Variants in CD180 observed in about 807,000 individuals in gnomAD.
The protein encoded by CD180 is CD180 molecule.
Under a neutral mutation model 10.7 loss-of-function variants are expected in CD180, and 11 were observed. The observed-to-expected ratio is 1.03, with a 90% CI of 0.65 to 1.70. CD180 has a LOEUF of 1.70. Ranked by LOEUF, CD180 falls within the 40% of genes most tolerant of loss-of-function variation. The pLI is 0.00. For synonymous variants in CD180, 286 were observed against 294.6 expected (o/e 0.97, Z 0.30); for missense variants, 729 against 775.2 (o/e 0.94, Z 0.71).
In CD180 at chr5:67,183,838, T is replaced by C. The variant is rs756100821; in HGVS notation, c.1005A>G (p.Gln335=). The C allele has an allele frequency of 1.2e-6, 2 of 1,614,064 alleles. No individual in the cohort carries two copies. The highest frequency in any genetic ancestry group is 1.3e-5 in the African/African-American group (1 of 74,908). Reference sequence around the variant, plus strand: ...AATTGGCAGCACTGATTTGACACAATTGATCGAAATGATTTACACTGAGAA... The same window carrying C: ...AATTGGCAGCACTGATTTGACACAACTGATCGAAATGATTTACACTGAGAA... ...KLVLSVNHFD[Q]LCQISAANFP... is the part of the protein sequence containing the mutation. Residue 335 remains glutamine (Q), a synonymous_variant, in exon 3 of 3, where the codon CAA becomes CAG. Coordinates refer to ENST00000256447, the MANE Select transcript of CD180 (RefSeq NM_005582.3).
At chr5:67,185,796 A>C in intron 2 of CD180, 55 bp downstream of exon 2, 1 of 1,340,876 alleles carries the variant, frequency 7.5e-7, no homozygotes, top group South Asian at 1.7e-5. Context: ...TTAAGCACAT[A>C]CTGTATTTTA....
chr5:67,184,297 A>G lies in CD180; in HGVS notation c.546T>C (p.Asn182=). The G allele has an allele frequency of 1.2e-6, 2 of 1,614,230 alleles. No individual in the cohort carries two copies. The highest frequency in any genetic ancestry group is 4.5e-5 in the East Asian group (2 of 44,882). ...CTCTAGAGATGTAGTGTATAGCATT[A>G]TTCTGAAAATCCAGTACTTTCAGAT... ...ARNLKVLDFQ[N]NAIHYISRED... The change falls in exon 3 of 3, where the codon AAT becomes AAC. Residue 182 remains asparagine, a synonymous_variant. Transcript: ENST00000256447.
chr5:67,185,708 G>A (rs2151166341), intron 2 of CD180, 143 bp downstream of exon 2: 1 of 492,826 alleles, frequency 2.0e-6, no homozygotes, highest in Admixed American at 4.0e-5. Flanking sequence ...ACCCACATAG[G>A]AGTATTTCAT....
chr5:67,194,230 G>C (rs1370119376), intron 1 of CD180, among the ~76,000 whole-genome samples: 1 of 152,180 alleles, frequency 6.6e-6, no homozygotes, highest in Non-Finnish European at 1.5e-5. Context: ...ACTAAAGAAA[G>C]GTCACCCGTT....
chr5:67,196,780 T>TCAA lies in CD180; in HGVS notation c.-140_-139insTTG. On this transcript the variant is annotated 5_prime_UTR_variant, in exon 1 of 3. Coordinates refer to ENST00000256447, the MANE Select transcript of CD180 (RefSeq NM_005582.3). ...TGGAACAAGAAATGCTGTTGACTGC[T>TCAA]CAGCATTCTGTGGCTCTGTGCTGGA... The TCAA allele has an allele frequency of 1.4e-6, 1 of 716,230 alleles. No individual in the cohort carries two copies. Among genetic ancestry groups the TCAA allele is most frequent in the Non-Finnish European group, 2.2e-6 (1 of 464,574 alleles). 44.4% of individuals were successfully genotyped at this position (716,230 alleles called of 1,614,324 possible).
At chr5:67,190,990 C>A (rs900294004) in intron 1 of CD180, 8 of 985,388 alleles carry the variant, frequency 8.1e-6, no homozygotes, top group Middle Eastern at 5.2e-4. Context: ...CCCCATGCAT[C>A]AGAAGTCTGG....
chr5:67,188,796 CATT>C (rs1742249552), intron 1 of CD180, among the ~76,000 whole-genome samples: 1 of 152,200 alleles, frequency 6.6e-6, no homozygotes, highest in Admixed American at 6.5e-5. Context: ...ATTGTGACAA[CATT>C]ATAACTGTCA....
chr5:67,196,527 A>C, intron 1 of CD180, 25 bp downstream of exon 1: 1 of 1,613,594 alleles, frequency 6.2e-7, no homozygotes, highest in Non-Finnish European at 8.5e-7. Flanking sequence ...TTTAATCTGC[A>C]TAAAGACAAA....
intron 1 of CD180, among the ~76,000 whole-genome samples, chr5:67,188,951 TG>T (rs897565634): frequency 2.5e-4 from 38 of 152,256 alleles, no homozygotes; most frequent in Admixed American, 2.2e-3. Context: ...AGCTGACTGG[TG>T]GGGGAAAAAA....
chr5:67,182,932 T>C lies in CD180; in HGVS notation c.1911A>G (p.Val637=), dbSNP rs777240115. 2 of 1,613,886 alleles carry C rather than the reference T, an allele frequency of 1.2e-6. No homozygotes were observed. Among genetic ancestry groups the C allele is most frequent in the Non-Finnish European group, 1.7e-6 (2 of 1,179,866 alleles). Residue 637 remains valine (V), a synonymous_variant, in exon 3 of 3, where the codon GTA becomes GTG. Transcript: ENST00000256447. ...ITAIGIFFLI[V]FLLLLAILLF... is the part of the protein sequence containing the mutation. Reference sequence around the variant, plus strand: ...GCAGAATAGCCAACAATAATAGAAATACTATGAGAAAGAAAATGCCTATGG... The same window carrying C: ...GCAGAATAGCCAACAATAATAGAAACACTATGAGAAAGAAAATGCCTATGG...
chr5:67,183,560 G>A lies in CD180; in HGVS notation c.1283C>T (p.Ala428Val). The change falls in exon 3 of 3, where the codon GCA (alanine) becomes GTA (valine). Residue 428 changes from alanine (A) to valine (V), a missense_variant. Ala to Val is a moderately conservative substitution (Grantham distance 64). Transcript: ENST00000256447. Reference protein sequence around the residue: ...ECPQLELLDLAFTRLHINAPQ... With the variant: ...ECPQLELLDLVFTRLHINAPQ... ...AGCATTAATGTGTAAGCGGGTAAAT[G>A]CCAAATCGAGGAGTTCTAGCTGAGG... 6.2e-7 allele frequency: 1 copy of A among 1,614,218 alleles called. No homozygotes were observed. Among genetic ancestry groups the A allele is most frequent in the Non-Finnish European group, 8.5e-7 (1 of 1,180,028 alleles).
At position 67,184,189 on chromosome 5, in the gene CD180, A is replaced by C; in HGVS notation, c.654T>G (p.Ala218=). 6.2e-7 allele frequency: 1 copy of C among 1,614,172 alleles called. No individual in the cohort carries two copies. The highest frequency in any genetic ancestry group is 8.5e-7 in the Non-Finnish European group (1 of 1,180,036). ...AACTTTGGAAGATCGTTGAATCAAA[A>C]GCCCCAAGCTCAATACCTTTAACAT... ...GNNVKGIELG[A]FDSTIFQSLN... Residue 218 remains alanine (A), a synonymous_variant, in exon 3 of 3, where the codon GCT becomes GCG. Transcript: ENST00000256447.
intron 1 of CD180, among the ~76,000 whole-genome samples, chr5:67,189,974 C>T (rs1742270482): frequency 6.6e-6 from 1 of 152,258 alleles, no homozygotes; most frequent in South Asian, 2.1e-4. Context: ...CCAAATTTTG[C>T]CAATTGTCCC....
intron 1 of CD180, among the ~76,000 whole-genome samples, chr5:67,195,899 T>C (rs1301556614): frequency 1.3e-5 from 2 of 152,224 alleles, no homozygotes; most frequent in Non-Finnish European, 2.9e-5. Flanking sequence ...GGGAGGAAGT[T>C]TGAAGCATTT....
chr5:67,187,694 A>G (rs768451003), intron 1 of CD180, among the ~76,000 whole-genome samples: 10 of 152,088 alleles, frequency 6.6e-5, no homozygotes, highest in Non-Finnish European at 1.3e-4. Context: ...GATGGAGTAT[A>G]TTTTGCCTGT....
intron 1 of CD180, 70 bp from the exon 2 acceptor site, chr5:67,186,087 ATGT>A: frequency 2.0e-6 from 2 of 992,100 alleles, no homozygotes; most frequent in Non-Finnish European, 2.9e-6. Flanking sequence ...AAAATTATAT[ATGT>A]TTTACCTTCC....
In CD180 at chr5:67,196,771, G is replaced by T; in HGVS notation, c.-130C>A. On this transcript the variant is annotated 5_prime_UTR_variant, in exon 1 of 3. Coordinates refer to ENST00000256447, the MANE Select transcript of CD180 (RefSeq NM_005582.3). ...GGGTGATCTTGGAACAAGAAATGCT[G>T]TTGACTGCTCAGCATTCTGTGGCTC... is the stretch of plus-strand genomic sequence containing the variant. 3.4e-5 allele frequency: 24 copies of T among 703,004 alleles called. No homozygotes were observed. Among genetic ancestry groups the T allele is most frequent in the Non-Finnish European group, 4.6e-5 (21 of 454,834 alleles). 43.5% of individuals were successfully genotyped at this position (703,004 alleles called of 1,614,324 possible).
chr5:67,195,927 C>T (rs761642747), intron 1 of CD180, among the ~76,000 whole-genome samples: 35 of 152,176 alleles, frequency 2.3e-4, no homozygotes, highest in Non-Finnish European at 3.4e-4. Context: ...TGGCAAGAGA[C>T]GGAGGCCCTT....
At chr5:67,195,391 A>G (rs1037875329) in intron 1 of CD180, among the ~76,000 whole-genome samples, 2 of 151,922 alleles carry the variant, frequency 1.3e-5, no homozygotes, top group African/African-American at 4.8e-5. Flanking sequence ...TAATATTTGT[A>G]TTTTTAGTAC....
Sources: gnomAD v4.1 joint callset for allele counts (sites outside exome capture counted in the v4.1 genomes callset) on GRCh38, gnomAD v4.1.1 for gene constraint, MANE v1.5 for transcripts, NCBI Gene and HGNC (gene_info 2026-07-23, HGNC 2026-07-21) for gene names.